SLC12A9: variants seen among roughly 807,000 people sequenced by gnomAD.
The protein encoded by SLC12A9 is solute carrier family 12 member 9, also known as CCC-interacting protein 1.
SLC12A9 carries 55 observed loss-of-function variants against 66.0 expected under a neutral mutation model. The observed-to-expected ratio is 0.83, with a 90% CI of 0.67 to 1.04. The LOEUF is 1.04. Among genes scored for constraint, SLC12A9 ranks in the 50% least tolerant of loss-of-function variants. The probability of loss-of-function intolerance (pLI) is 0.00; values close to 1 mark genes in which losing one functional copy is unlikely to be tolerated. For synonymous variants in SLC12A9, 577 were observed against 569.0 expected (o/e 1.01, Z -0.20); for missense variants, 1,061 against 1,241.9 (o/e 0.85, Z 2.19).
At chr7:100,841,206 G>A (rs542753625) in intron 1 of SLC12A9, among the ~76,000 whole-genome samples, 41 of 151,468 alleles carry the variant, frequency 2.7e-4, no homozygotes, top group East Asian at 1.7e-3. Context: ...GAAGAATATC[G>A]AAGAATTGTC....
intron 1 of SLC12A9, among the ~76,000 whole-genome samples, chr7:100,829,894 G>A (rs1157111341): frequency 6.6e-6 from 1 of 151,636 alleles, no homozygotes; most frequent in Non-Finnish European, 1.5e-5. Flanking sequence ...TGGGCATCAT[G>A]GCACACACCT....
chr7:100,840,145 C>T (rs1047756774), intron 1 of SLC12A9, among the ~76,000 whole-genome samples: 1 of 152,146 alleles, frequency 6.6e-6, no homozygotes, highest in Non-Finnish European at 1.5e-5. Context: ...TTGGTGCAAA[C>T]TGCGAAAGTG....
chr7:100,841,792 T>C (rs1813797296), intron 1 of SLC12A9, among the ~76,000 whole-genome samples: 1 of 152,166 alleles, frequency 6.6e-6, no homozygotes, highest in Non-Finnish European at 1.5e-5. Context: ...AAATTTGGCT[T>C]TCTTTAGTTT....
chr7:100,833,212 A>G (rs1813576037), intron 1 of SLC12A9, among the ~76,000 whole-genome samples: 1 of 152,042 alleles, frequency 6.6e-6, no homozygotes, highest in Non-Finnish European at 1.5e-5. Context: ...GGCTGGGCGC[A>G]GTGGCTCACA....
At chr7:100,837,865 T>TG (rs1397702211) in intron 1 of SLC12A9, among the ~76,000 whole-genome samples, 30 of 143,042 alleles carry the variant, frequency 2.1e-4, no homozygotes, top group South Asian at 1.8e-3. Flanking sequence ...TTTTTTTTTT[T>TG]TTTTTTTTTT....
At chr7:100,827,138 T>G (rs1402032309) in intron 1 of SLC12A9, 20 of 1,247,788 alleles carry the variant, frequency 1.6e-5, no homozygotes, top group African/African-American at 3.1e-5. Context: ...GCGGGACTCC[T>G]CGTCGGGGCC....
intron 1 of SLC12A9, among the ~76,000 whole-genome samples, chr7:100,839,159 T>TA (rs1342965125): frequency 3.3e-5 from 5 of 151,640 alleles, no homozygotes; most frequent in Non-Finnish European, 7.4e-5. Context: ...CTGTCTCTAC[T>TA]AAAAAATACA....
chr7:100,840,858 A>AT (rs1219297656), intron 1 of SLC12A9, among the ~76,000 whole-genome samples: 2 of 152,126 alleles, frequency 1.3e-5, no homozygotes, highest in Non-Finnish European at 2.9e-5. Flanking sequence ...TAACACTCCA[A>AT]TACCACTTTG....
chr7:100,864,173 G>C (rs1415705399), intron 13 of SLC12A9, among the ~76,000 whole-genome samples: 13 of 151,272 alleles, frequency 8.6e-5, no homozygotes, highest in Non-Finnish European at 1.5e-5. Flanking sequence ...CTGCCTCCCG[G>C]GTTCAAGTAT....
rs1815066905 is a variant in SLC12A9 at position 100,866,073 on chromosome 7, C to A, written c.2213C>A (p.Pro738His). 1 of 1,612,866 alleles carries A rather than the reference C, an allele frequency of 6.2e-7. No individual in the cohort carries two copies. Among genetic ancestry groups the A allele is most frequent in the African/African-American group, 1.3e-5 (1 of 74,932 alleles). ...PLNLLRPRGG[P>H]GYVDVCGLFL... Reference sequence around the variant, plus strand: ...AACCTGCTGCGGCCCCGGGGTGGGCCCGGCTATGTGGATGTCTGCGGCCTC... The same window carrying A: ...AACCTGCTGCGGCCCCGGGGTGGGCACGGCTATGTGGATGTCTGCGGCCTC... Residue 738 changes from proline (P) to histidine (H), a missense_variant, in exon 14 of 14, where the codon CCC becomes CAC. Coordinates refer to ENST00000354161, the MANE Select transcript of SLC12A9 (RefSeq NM_020246.4). The surrounding 1 kb of genome is among the most constrained non-coding windows in gnomAD (Gnocchi z 7.3).
At chr7:100,844,637 G>A (rs1813866793) in intron 1 of SLC12A9, among the ~76,000 whole-genome samples, 2 of 152,074 alleles carry the variant, frequency 1.3e-5, no homozygotes, top group South Asian at 4.1e-4. Flanking sequence ...AAAGGACCCA[G>A]TCCACCTTCA....
At chr7:100,865,644 G>A in intron 13 of SLC12A9, 75 bp from the exon 14 acceptor site, 1 of 1,558,026 alleles carries the variant, frequency 6.4e-7, no homozygotes, top group South Asian at 1.2e-5. Flanking sequence ...TGCTGTCAGT[G>A]TGTGGGAGCG....
intron 1 of SLC12A9, among the ~76,000 whole-genome samples, chr7:100,835,030 T>C (rs1813621875): frequency 6.6e-6 from 1 of 151,814 alleles, no homozygotes; most frequent in Non-Finnish European, 1.5e-5. Context: ...TGAGACCCCG[T>C]TTCAACAAAA....
intron 5 of SLC12A9, 29 bp from the exon 6 acceptor site, chr7:100,858,806 C>A: frequency 6.2e-7 from 1 of 1,606,964 alleles, no homozygotes; most frequent in Non-Finnish European, 8.5e-7. Flanking sequence ...GATGCTGATG[C>A]ACTCTCCTCC....
chr7:100,866,758 A>G lies in SLC12A9; in HGVS notation c.*153A>G. The G allele has an allele frequency of 1.3e-6, 1 of 787,670 alleles. No individual in the cohort carries two copies. The highest frequency in any genetic ancestry group is 1.9e-6 in the Non-Finnish European group (1 of 530,030). The allele number at this position is 787,670 out of a possible 1,614,324, so 48.8% of individuals were successfully genotyped here. ...TTTGAAGGGGATCCTGGGCTTGGGC[A>G]TCACGCCCACCTCCTTTGGCAGAGG... On this transcript the variant is annotated 3_prime_UTR_variant, in exon 14 of 14. Coordinates refer to ENST00000354161, the MANE Select transcript of SLC12A9 (RefSeq NM_020246.4). This position sits in a 1 kb window ranked among gnomAD's most constrained non-coding sequence, Gnocchi z 7.3.
At position 100,866,328 on chromosome 7, in the gene SLC12A9, G is replaced by A. The variant is rs1356344735; in HGVS notation, c.2468G>A (p.Ser823Asn). Residue 823 changes from serine to asparagine, a missense_variant, in exon 14 of 14, where the codon AGT becomes AAT. Physicochemically the swap from Ser to Asn is conservative, Grantham distance 46 (BLOSUM62 1). Transcript: ENST00000354161. This position sits in a 1 kb window ranked among gnomAD's most constrained non-coding sequence, Gnocchi z 7.3. ...GAGGAGGAAGGGGACTTTGTGAACA[G>A]TGGGCGGGGAGACGCAGAGGCAGAG... ...EAEEEGDFVNSGRGDAEAEAL... is the reference protein window; with the variant it reads ...EAEEEGDFVNNGRGDAEAEAL... 2.0e-6 allele frequency: 3 copies of A among 1,507,984 alleles called. No individual in the cohort carries two copies. Among genetic ancestry groups the A allele is most frequent in the South Asian group, 1.3e-5 (1 of 77,128 alleles). The allele number at this position is 1,507,984 out of a possible 1,614,324, so 93.4% of individuals were successfully genotyped here. A position where few individuals can be genotyped will look rare whatever the true frequency, so the allele number is the denominator to read the frequency against.
upstream of SLC12A9, among the ~76,000 whole-genome samples, chr7:100,849,052 G>C (rs1467983780): frequency 1.3e-5 from 2 of 150,068 alleles, no homozygotes; most frequent in Non-Finnish European, 3.0e-5. Context: ...TGAACCTCCC[G>C]AGTAGCTGGA....
At chr7:100,828,004 G>A (rs866640117) in intron 1 of SLC12A9, among the ~76,000 whole-genome samples, 3 of 152,176 alleles carry the variant, frequency 2.0e-5, no homozygotes, top group African/African-American at 4.8e-5. Flanking sequence ...CAGGGACTGC[G>A]TTTTGGGGGA....
Position 100,854,667 on chromosome 7 carries a change from C to G in SLC12A9, c.229C>G (p.Leu77Val). ...AGLLQALAML[L>V]VAYFILALTV... Reference sequence around the variant, plus strand: ...GCTACTGCAGGCCCTGGCCATGCTGCTGGTTGCCTACTTCATCCTGGCACT... The same window carrying G: ...GCTACTGCAGGCCCTGGCCATGCTGGTGGTTGCCTACTTCATCCTGGCACT... The change falls in exon 3 of 14, where the codon CTG (leucine) becomes GTG (valine). Residue 77 changes from leucine (L) to valine (V), a missense_variant. Coordinates refer to ENST00000354161, the MANE Select transcript of SLC12A9 (RefSeq NM_020246.4). 1.9e-5 allele frequency: 31 copies of G among 1,614,056 alleles called. No homozygotes were observed. The highest frequency in any genetic ancestry group is 2.6e-5 in the Non-Finnish European group (31 of 1,180,012).
Sources: allele counts gnomAD v4.1 joint callset (sites outside exome capture counted in the v4.1 genomes callset), GRCh38; gene constraint gnomAD v4.1.1; non-coding constraint Gnocchi (gnomAD v3.1); transcripts MANE v1.5; gene names NCBI Gene and HGNC (gene_info 2026-07-23, HGNC 2026-07-21).